Variants in CBR1 observed in about 807,000 individuals in gnomAD.
The protein encoded by CBR1 is carbonyl reductase [NADPH] 1.
Under a neutral mutation model 10.6 loss-of-function variants are expected in CBR1, and 11 were observed. The ratio of observed to expected loss-of-function variants is 1.03; its 90% confidence interval spans 0.65 to 1.71. The LOEUF is 1.71. Ranked by LOEUF, CBR1 falls within the 40% of genes most tolerant of loss-of-function variation. The probability of loss-of-function intolerance (pLI) is 0.00; values close to 1 mark genes in which losing one functional copy is unlikely to be tolerated. For missense variants in CBR1, 361 were observed against 368.6 expected (o/e 0.98, Z 0.17); for synonymous variants, 158 against 156.7 (o/e 1.01, Z -0.06).
rs551377365 is a variant in CBR1, at chr21:36,072,985, AT to A, written c.*104del. On this transcript the variant is annotated 3_prime_UTR_variant, in exon 3 of 3. Transcript: ENST00000290349. ...TAAATATCCTTATATAAGAAAAAAA[AT>A]GATCTCTTATCAATTAGCACTCACT... 3.7e-4 allele frequency: 281 copies of A among 754,792 alleles called. 1 individual carries two copies. The highest frequency in any genetic ancestry group is 3.3e-3 in the Admixed American group (109 of 33,112). The allele number at this position is 754,792 out of a possible 1,614,324, so 46.8% of individuals were successfully genotyped here.
chr21:36,072,273 ACTT>A (rs767860146), intron 2 of CBR1, 170 bp from the exon 3 acceptor site: 160 of 1,551,344 alleles, frequency 1.0e-4, no homozygotes, highest in African/African-American at 4.1e-5. Context: ...GCAGGAATGA[ACTT>A]CTTCATGCAA....
chr21:36,070,619 G>A lies in CBR1; in HGVS notation c.289+215G>A, dbSNP rs991955628. 1.2e-4 allele frequency: 69 copies of A among 560,440 alleles called. No homozygotes were observed. In the African/African-American group the frequency reaches 1.3e-3, roughly 10 times the overall value. The allele number at this position is 560,440 out of a possible 1,614,324, so 34.7% of individuals were successfully genotyped here. ...GGGGATCTTTTTCAGGTTTTCTGCA[G>A]TTTTTCTGAATTGAGCTTTAAGGCA... On this transcript the variant is annotated intron_variant, in intron 1 of 2. Transcript: ENST00000290349.
rs1388639801 is a variant in CBR1, at chr21:36,070,889, T to C, written c.290-61T>C. The C allele has an allele frequency of 7.2e-6, 7 of 972,634 alleles. No individual in the cohort carries two copies. The Admixed American group carries it at 8.8e-5, about 12-fold the overall frequency. The allele number at this position is 972,634 out of a possible 1,614,324, so 60.3% of individuals were successfully genotyped here. ...TTTTTTTTTTTTTTTTTAGTATCAT[T>C]GTATAGAATTTTACCCCATGGGTAC... On this transcript the variant is annotated intron_variant, in intron 1 of 2. Transcript: ENST00000290349.
chr21:36,071,930 C>T, intron 2 of CBR1: 1 of 1,536,090 alleles, frequency 6.5e-7, no homozygotes, highest in South Asian at 1.2e-5. Flanking sequence ...TAACTCTGGG[C>T]CCATTTTAAC....
intron 1 of CBR1, 71 bp from the exon 2 acceptor site, chr21:36,070,879 T>TTTTGTA: frequency 1.1e-6 from 1 of 903,904 alleles, no homozygotes; most frequent in Non-Finnish European, 1.7e-6. Flanking sequence ...TTTTTTTTTT[T>TTTTGTA]TAGTATCATT....
In CBR1 at chr21:36,073,058, A is replaced by G. The variant is rs574515402; in HGVS notation, c.*176A>G. 28 of 463,768 alleles carry G rather than the reference A, an allele frequency of 6.0e-5. No individual in the cohort carries two copies. Among genetic ancestry groups the G allele is most frequent in the African/African-American group, 5.1e-4 (26 of 50,642 alleles). 28.7% of individuals were successfully genotyped at this position (463,768 alleles called of 1,614,324 possible). On this transcript the variant is annotated 3_prime_UTR_variant, in exon 3 of 3. Transcript: ENST00000290349. ...CCTACGCACTCAGTTGACTACGTAA[A>G]TCTGTCAGGTCTTTTGTGATTTCCT...
rs539224993 is a variant in CBR1, at chr21:36,070,148, T to C, written c.33T>C (p.Thr11=). 22 of 1,570,122 alleles carry C rather than the reference T, an allele frequency of 1.4e-5. No individual in the cohort carries two copies. In the Admixed American group the frequency reaches 3.2e-4, roughly 23 times the overall value. MSSGIHVALV[T]GGNKGIGLAI... is the part of the protein sequence containing the mutation. ...CCGGCATCCATGTAGCGCTGGTGAC[T>C]GGAGGCAACAAGGGCATCGGCTTGG... The change falls in exon 1 of 3, where the codon ACT becomes ACC. Residue 11 remains threonine (T), a synonymous_variant. Coordinates refer to ENST00000290349, the MANE Select transcript of CBR1 (RefSeq NM_001757.4).
In CBR1 at chr21:36,070,332, C is replaced by T. The variant is rs558896125; in HGVS notation, c.217C>T (p.Leu73=). ...DIDDLQSIRA[L]RDFLRKEYGG... is the part of the protein sequence containing the mutation. The stretch of plus-strand genomic sequence containing the variant: ...CGACGATCTGCAGAGCATCCGCGCC[C>T]TGCGCGACTTCCTGCGCAAGGAGTA... Residue 73 remains leucine (L), a synonymous_variant, in exon 1 of 3, where the codon CTG becomes TTG. Transcript: ENST00000290349. The T allele has an allele frequency of 2.5e-6, 4 of 1,613,372 alleles. No homozygotes were observed. In the South Asian group the frequency reaches 3.3e-5, roughly 13 times the overall value.
rs753889721 is a variant in CBR1, at chr21:36,072,574, G to A, written c.526G>A (p.Val176Met). Reference sequence around the variant, plus strand: ...GCTGGTGGGGCTCATGAACAAGTTTGTGGAGGATACAAAGAAGGGAGTGCA... The same window carrying A: ...GCTGGTGGGGCTCATGAACAAGTTTATGGAGGATACAAAGAAGGGAGTGCA... Reference protein sequence around the residue: ...EELVGLMNKFVEDTKKGVHQK... With the variant: ...EELVGLMNKFMEDTKKGVHQK... The change falls in exon 3 of 3, where the codon GTG becomes ATG. Residue 176 changes from valine to methionine, a missense_variant. Coordinates refer to ENST00000290349, the MANE Select transcript of CBR1 (RefSeq NM_001757.4). The A allele has an allele frequency of 1.9e-6, 3 of 1,602,356 alleles. No homozygotes were observed. Among genetic ancestry groups the A allele is most frequent in the Non-Finnish European group, 2.6e-6 (3 of 1,174,600 alleles).
Position 36,070,414 on chromosome 21 carries a change from G to T in CBR1, c.289+10G>T. 2 of 1,581,380 alleles carry T rather than the reference G, an allele frequency of 1.3e-6. No individual in the cohort carries two copies. Among genetic ancestry groups the T allele is most frequent in the Non-Finnish European group, 1.7e-6 (2 of 1,162,980 alleles). On this transcript the variant is annotated intron_variant, in intron 1 of 2. Transcript: ENST00000290349. The stretch of plus-strand genomic sequence containing the variant: ...GGCATCGCCTTCAAGGGTATGGGGA[G>T]GGGACGTGGCCTCCCCGAAGAAGAA...
In CBR1 at chr21:36,073,037, C is replaced by T. The variant is rs1029604117; in HGVS notation, c.*155C>T. The T allele has an allele frequency of 2.7e-5, 14 of 511,906 alleles. No homozygotes were observed. Among genetic ancestry groups the T allele is most frequent in the African/African-American group, 1.4e-4 (7 of 51,742 alleles). The allele number at this position is 511,906 out of a possible 1,614,324, so 31.7% of individuals were successfully genotyped here. A position where few individuals can be genotyped will look rare whatever the true frequency, so the allele number is the denominator to read the frequency against. On this transcript the variant is annotated 3_prime_UTR_variant, in exon 3 of 3. Coordinates refer to ENST00000290349, the MANE Select transcript of CBR1 (RefSeq NM_001757.4). ...AATGTACTACTAATTGAGCAACCTA[C>T]GCACTCAGTTGACTACGTAAATCTG...
chr21:36,072,208 C>T, intron 2 of CBR1: 2 of 1,550,638 alleles, frequency 1.3e-6, no homozygotes, highest in African/African-American at 1.4e-5. Flanking sequence ...TCACCAGGAC[C>T]TCAAAGGGCA....
Position 36,070,936 on chromosome 21 carries a change from T to C in CBR1, c.290-14T>C, listed in dbSNP as rs372571793. The C allele has an allele frequency of 6.5e-7, 1 of 1,546,880 alleles. No individual in the cohort carries two copies. Among genetic ancestry groups the C allele is most frequent in the Admixed American group, 1.7e-5 (1 of 59,848 alleles). ...GTACAATGTATTAACTATGTTCTCT[T>C]TCTCTCCTAAAAGTTGCTGATCCCA... On this transcript the variant is annotated splice_polypyrimidine_tract_variant and intron_variant, in intron 1 of 2. Coordinates refer to ENST00000290349, the MANE Select transcript of CBR1 (RefSeq NM_001757.4).
intron 2 of CBR1, chr21:36,071,827 T>G (rs1208866193): frequency 1.3e-6 from 2 of 1,535,588 alleles, no homozygotes; most frequent in Non-Finnish European, 8.7e-7. Flanking sequence ...TCCTGCGTAC[T>G]GTCTGCATGG....
rs781647021 is a variant in CBR1, at chr21:36,072,931, A to C, written c.*49A>C. ...GGGCCCCATTTTGTACCTTGTCCTG[A>C]GTTGGTCCAAAGGGCATTTACAATG... is the stretch of plus-strand genomic sequence containing the variant. On this transcript the variant is annotated 3_prime_UTR_variant, in exon 3 of 3. Coordinates refer to ENST00000290349, the MANE Select transcript of CBR1 (RefSeq NM_001757.4). The C allele has an allele frequency of 7.3e-7, 1 of 1,377,276 alleles. No homozygotes were observed. Among genetic ancestry groups the C allele is most frequent in the South Asian group, 1.3e-5 (1 of 76,524 alleles). 85.3% of individuals were successfully genotyped at this position (1,377,276 alleles called of 1,614,324 possible).
chr21:36,070,496 G>C, intron 1 of CBR1, 92 bp downstream of exon 1: 1 of 1,300,944 alleles, frequency 7.7e-7, no homozygotes, highest in South Asian at 1.5e-5. Flanking sequence ...CTAGGGAGGA[G>C]AGGGAGGAGC....
chr21:36,070,334 G>T lies in CBR1; in HGVS notation c.219G>T (p.Leu73=), dbSNP rs25678. 1.2e-6 allele frequency: 2 copies of T among 1,613,182 alleles called. No individual in the cohort carries two copies. The highest frequency in any genetic ancestry group is 1.1e-5 in the South Asian group (1 of 91,060). ...ACGATCTGCAGAGCATCCGCGCCCTGCGCGACTTCCTGCGCAAGGAGTACG... is the reference window on the plus strand; with the variant it reads ...ACGATCTGCAGAGCATCCGCGCCCTTCGCGACTTCCTGCGCAAGGAGTACG... ...DIDDLQSIRA[L]RDFLRKEYGG... The change falls in exon 1 of 3, where the codon CTG becomes CTT. Residue 73 remains leucine (L), a synonymous_variant. Transcript: ENST00000290349.
At chr21:36,071,479 A>G in intron 2 of CBR1, 1 of 569,598 alleles carries the variant, frequency 1.8e-6, no homozygotes, top group Non-Finnish European at 3.1e-6. Flanking sequence ...CCTGTCTGAA[A>G]CACTCCTTAA....
intron 2 of CBR1, chr21:36,072,135 A>T: frequency 6.5e-7 from 1 of 1,533,046 alleles, no homozygotes. Flanking sequence ...GCTTACTCTC[A>T]GCTTTTATCC....
Sources: allele counts gnomAD v4.1 joint callset, GRCh38; gene constraint gnomAD v4.1.1; transcripts MANE v1.5; gene names NCBI Gene and HGNC (gene_info 2026-07-23, HGNC 2026-07-21).